The following CMPK2 variants were observed in gnomAD, a reference collection of about 807,000 sequenced individuals.
CMPK2 encodes cytidine/uridine monophosphate kinase 2.
A neutral mutation model predicts 33.4 loss-of-function variants in CMPK2; 32 were observed. That is an observed-to-expected ratio of 0.96 (90% confidence interval 0.72 to 1.29). The LOEUF (loss-of-function observed/expected upper bound fraction) is 1.29. CMPK2 is among the 50% of genes most tolerant of loss of function. The probability of loss-of-function intolerance (pLI) is 0.00; values close to 1 mark genes in which losing one functional copy is unlikely to be tolerated. For missense variants in CMPK2, 672 were observed against 616.0 expected, an observed-to-expected ratio of 1.09 and a Z score of -0.96; for synonymous variants, 299 against 275.3, an observed-to-expected ratio of 1.09 and a Z score of -0.85.
At chr2:6,845,961 G>T (rs1358064955), downstream of CMPK2, among the ~76,000 whole-genome samples, 10 of 152,052 alleles carry the variant, frequency 6.6e-5, no homozygotes, top group African/African-American at 1.2e-4. Context: ...TGAAAGTGGA[G>T]ATTTTTTTTG....
chr2:6,850,834 T>TCGC, intron 4 of CMPK2: 2 of 988,902 alleles, frequency 2.0e-6, no homozygotes, highest in Non-Finnish European at 2.4e-6. Flanking sequence ...TAGAACTGAT[T>TCGC]CATACTCAGT....
chr2:6,840,656 A>G (rs1366978660), exon 4 of CMPK2: 1 of 702,052 alleles, frequency 1.4e-6, no homozygotes, highest in Non-Finnish European at 2.6e-6. Context: ...GAAGGATGGT[A>G]TAAGGTTCCT....
chr2:6,856,254 T>C (rs1460041956), intron 3 of CMPK2, among the ~76,000 whole-genome samples: 1 of 152,188 alleles, frequency 6.6e-6, no homozygotes, highest in Non-Finnish European at 1.5e-5. Context: ...AAAACACATG[T>C]GGTATGAAAG....
At chr2:6,854,835 T>C (rs2103221779) in intron 3 of CMPK2, among the ~76,000 whole-genome samples, 1 of 152,162 alleles carries the variant, frequency 6.6e-6, no homozygotes, top group South Asian at 2.1e-4. Context: ...CTCTTGACAG[T>C]AGGCAGGGAA....
chr2:6,862,970 A>T (rs976012846), intron 2 of CMPK2, among the ~76,000 whole-genome samples: 2 of 152,174 alleles, frequency 1.3e-5, no homozygotes, highest in Non-Finnish European at 1.5e-5. Flanking sequence ...CCTCAGTTTG[A>T]CAGCTCAGAA....
chr2:6,859,465 G>A (rs1169612380), intron 3 of CMPK2, among the ~76,000 whole-genome samples: 1 of 152,126 alleles, frequency 6.6e-6, no homozygotes, highest in African/African-American at 2.4e-5. Flanking sequence ...ATGGTTTTGT[G>A]GACCCAGGGT....
At chr2:6,862,848 CG>C (rs1662923594) in intron 2 of CMPK2, among the ~76,000 whole-genome samples, 1 of 152,210 alleles carries the variant, frequency 6.6e-6, no homozygotes, top group Admixed American at 6.5e-5. Flanking sequence ...CTGAACCACT[CG>C]GATGCTAGTT....
chr2:6,841,911 A>G lies in CMPK2; in HGVS notation c.993-1233T>C, dbSNP rs190963575. Among the ~76,000 whole-genome samples, 7 of 152,304 alleles carry G rather than the reference A, an allele frequency of 4.6e-5. No homozygotes were observed. The East Asian group carries it at 9.6e-4, about 21-fold the overall frequency. On this transcript the variant is annotated intron_variant, in intron 3 of 3. Coordinates refer to the CMPK2 transcript ENST00000458098. ...CAGTCAGGGAGTGTCTTTCTTTCCA[A>G]ATAGCGGCATGAGCATGAAGAACCA...
chr2:6,856,777 C>T (rs1316846699), intron 3 of CMPK2, among the ~76,000 whole-genome samples: 1 of 152,200 alleles, frequency 6.6e-6, no homozygotes. Flanking sequence ...CATCTTTTGG[C>T]AACTTGACAT....
chr2:6,848,817 T>C lies in CMPK2; in HGVS notation c.*1033A>G, dbSNP rs2103216759. The C allele has an allele frequency of 1.0e-6, 1 of 985,850 alleles. No homozygotes were observed. Among genetic ancestry groups the C allele is most frequent in the Non-Finnish European group, 1.2e-6 (1 of 829,904 alleles). 61.1% of individuals were successfully genotyped at this position (985,850 alleles called of 1,614,324 possible). ...CTACTTTTTTCTGTCTAAAGATATG[T>C]CAAAGCGATTTCATATGTAATCATG... is the stretch of plus-strand genomic sequence containing the variant. On this transcript the variant is annotated 3_prime_UTR_variant, in exon 5 of 5. Transcript: ENST00000256722.
chr2:6,863,267 C>T (rs984745088), intron 2 of CMPK2, among the ~76,000 whole-genome samples, 197 bp downstream of exon 2: 15 of 152,164 alleles, frequency 9.9e-5, no homozygotes, highest in Non-Finnish European at 1.6e-4. Flanking sequence ...TGAGGATCCG[C>T]GCCCACACAT....
chr2:6,849,650 A>C lies in CMPK2; in HGVS notation c.*200T>G, dbSNP rs1662454414. 3 of 1,410,008 alleles carry C rather than the reference A, an allele frequency of 2.1e-6. No individual in the cohort carries two copies. Among genetic ancestry groups the C allele is most frequent in the Admixed American group, 3.1e-5 (1 of 31,980 alleles). 87.3% of individuals were successfully genotyped at this position (1,410,008 alleles called of 1,614,324 possible). A position where few individuals can be genotyped will look rare whatever the true frequency, so the allele number is the denominator to read the frequency against. On this transcript the variant is annotated 3_prime_UTR_variant, in exon 5 of 5. Coordinates refer to ENST00000256722, the MANE Select transcript of CMPK2 (RefSeq NM_207315.4). ...GCTGGCCTCTCACTGGAACATGATG[A>C]GAGGGACCTTTGTGATGACGGGTCC... is the stretch of plus-strand genomic sequence containing the variant.
chr2:6,847,512 C>A (rs1239297944), downstream of CMPK2, among the ~76,000 whole-genome samples: 1 of 152,202 alleles, frequency 6.6e-6, no homozygotes, highest in South Asian at 2.1e-4. Flanking sequence ...CCAGGCACAA[C>A]ACCCTGTGCT....
chr2:6,851,202 C>T, intron 4 of CMPK2: 1 of 1,307,516 alleles, frequency 7.6e-7, no homozygotes, highest in East Asian at 3.6e-5. Context: ...TGCAGCTGCT[C>T]CTAGCACAGC....
At position 6,865,271 on chromosome 2, in the gene CMPK2, G is replaced by C; in HGVS notation, c.426C>G (p.Thr142=). Residue 142 remains threonine (T), a synonymous_variant, in exon 1 of 5, where the codon ACC becomes ACG. Coordinates refer to ENST00000256722, the MANE Select transcript of CMPK2 (RefSeq NM_207315.4). ...LLRDPLDDPD[T]RQALLELLGA... The stretch of plus-strand genomic sequence containing the variant: ...CCAGCAGCTCGAGCAGCGCTTGCCG[G>C]GTGTCAGGGTCATCCAGGGGGTCGC... The C allele has an allele frequency of 6.5e-7, 1 of 1,535,322 alleles. No homozygotes were observed.
At position 6,859,593 on chromosome 2, in the gene CMPK2, C is replaced by T. The variant is rs186694346; in HGVS notation, c.992+1591G>A. On this transcript the variant is annotated intron_variant, in intron 3 of 4. Coordinates refer to ENST00000256722, the MANE Select transcript of CMPK2 (RefSeq NM_207315.4). ...TTCAGAGGGGGAAAGCCCCAAGCCT[C>T]GGCAGCTTCCATGTGGTGTTGAGCC... 2.2e-3 allele frequency among the ~76,000 whole-genome samples: 338 copies of T among 152,292 alleles called. 1 individual carries two copies. Among genetic ancestry groups the T allele is most frequent in the African/African-American group, 7.8e-3 (325 of 41,568 alleles).
In CMPK2 at chr2:6,863,458, T is replaced by C. The variant is rs745653227; in HGVS notation, c.790+6A>G. 2 of 1,610,590 alleles carry C rather than the reference T, an allele frequency of 1.2e-6. No individual in the cohort carries two copies. The highest frequency in any genetic ancestry group is 4.5e-5 in the East Asian group (2 of 44,872). On this transcript the variant is annotated splice_donor_region_variant and intron_variant, in intron 2 of 4. Transcript: ENST00000256722. ...TGCCTATAACTAAAAGGTAATATTATCTTACCCGTGGCATCCAGTCCTTCG... is the reference window on the plus strand; with the variant it reads ...TGCCTATAACTAAAAGGTAATATTACCTTACCCGTGGCATCCAGTCCTTCG...
At chr2:6,851,054 A>G (rs1433223356) in intron 4 of CMPK2, 2 of 1,059,302 alleles carry the variant, frequency 1.9e-6, no homozygotes, top group Non-Finnish European at 2.3e-6. Flanking sequence ...CAAGGATGAC[A>G]TAACATCAGT....
At position 6,848,884 on chromosome 2, in the gene CMPK2, C is replaced by T; in HGVS notation, c.*966G>A. The T allele has an allele frequency of 6.1e-6, 6 of 985,734 alleles. No homozygotes were observed. Among genetic ancestry groups the T allele is most frequent in the Non-Finnish European group, 7.2e-6 (6 of 829,828 alleles). 61.1% of individuals were successfully genotyped at this position (985,734 alleles called of 1,614,324 possible). On this transcript the variant is annotated 3_prime_UTR_variant, in exon 5 of 5. Transcript: ENST00000256722. ...GATAATTTACCAAGAAATCCCACTC[C>T]AAGATCCACTGTACTTATTTAACAA...
Sources: allele counts gnomAD v4.1 joint callset (sites outside exome capture counted in the v4.1 genomes callset), GRCh38; gene constraint gnomAD v4.1.1; transcripts MANE v1.5; gene names NCBI Gene and HGNC (gene_info 2026-07-23, HGNC 2026-07-21).